Variants in USP54 observed in about 807,000 individuals in gnomAD.
USP54 encodes the protein ubiquitin specific peptidase 54, also known as ubiquitin carboxyl-terminal hydrolase 54.
A neutral mutation model predicts 170.5 loss-of-function variants in USP54; 87 were observed. That is an observed-to-expected ratio of 0.51 (90% confidence interval 0.43 to 0.61). The LOEUF is 0.61. Ranked by LOEUF, USP54 falls within the 20% of genes least tolerant of loss-of-function variation. USP54 has a pLI of 0.00. For missense variants in USP54, 1,786 were observed against 2,047.8 expected (o/e 0.87, Z 2.47); for synonymous variants, 655 against 742.8 (o/e 0.88, Z 1.92).
chr10:73,530,195 G>A lies in USP54; in HGVS notation c.1776C>T (p.Asp592=). The change falls in exon 14 of 24, where the codon GAC becomes GAT. Residue 592 remains aspartate, a synonymous_variant. Coordinates refer to ENST00000687698, the MANE Select transcript of USP54 (RefSeq NM_001391956.1). ...GGGTATAGCCACAGTGCTTCCTTTT[G>A]TCCTTACTAAAGATACTGTCAATAT... ...SLNIDSIFSK[D]KRKHCGYTQL... 1 of 1,613,994 alleles carries A rather than the reference G, an allele frequency of 6.2e-7. No individual in the cohort carries two copies. Among genetic ancestry groups the A allele is most frequent in the South Asian group, 1.1e-5 (1 of 91,066 alleles).
chr10:73,620,749 C>T (rs1017067632), intron 1 of USP54, among the ~76,000 whole-genome samples: 1 of 150,278 alleles, frequency 6.7e-6, no homozygotes, highest in Non-Finnish European at 1.5e-5. Flanking sequence ...ACCAGCCTGC[C>T]CAACATGGTG....
At chr10:73,526,814 T>C in intron 15 of USP54, 34 bp from the exon 16 acceptor site, 2 of 1,609,832 alleles carry the variant, frequency 1.2e-6, no homozygotes, top group Non-Finnish European at 1.7e-6. Flanking sequence ...AGTGAAAGCA[T>C]GAAAGCAGGT....
chr10:73,602,515 T>C (rs1477315722), intron 1 of USP54, among the ~76,000 whole-genome samples: 2 of 149,494 alleles, frequency 1.3e-5, no homozygotes, highest in Non-Finnish European at 3.0e-5. Context: ...ATCATGCTAC[T>C]GCACTCCAGC....
At chr10:73,580,214 G>A (rs531582686) in intron 1 of USP54, among the ~76,000 whole-genome samples, 1 of 151,476 alleles carries the variant, frequency 6.6e-6, no homozygotes, top group African/African-American at 2.4e-5. Flanking sequence ...GCTCCTAGGG[G>A]GCATTGAGGC....
At chr10:73,621,263 T>A (rs569147218) in intron 1 of USP54, among the ~76,000 whole-genome samples, 219 of 149,248 alleles carry the variant, frequency 1.5e-3, no homozygotes, top group Non-Finnish European at 1.6e-3. Context: ...AGCAAATATA[T>A]AAAAACATGT....
chr10:73,548,612 A>G (rs926197257), intron 4 of USP54, among the ~76,000 whole-genome samples: 2 of 152,180 alleles, frequency 1.3e-5, no homozygotes, highest in African/African-American at 4.8e-5. Context: ...CATCATTCTC[A>G]GCAAACTATC....
chr10:73,560,892 C>T lies in USP54; in HGVS notation c.240+10529G>A, dbSNP rs2072775074. 5.3e-5 allele frequency among the ~76,000 whole-genome samples: 8 copies of T among 151,016 alleles called. No homozygotes were observed. In the South Asian group the frequency reaches 1.5e-3, roughly 28 times the overall value. On this transcript the variant is annotated intron_variant, in intron 4 of 23. Coordinates refer to ENST00000687698, the MANE Select transcript of USP54 (RefSeq NM_001391956.1). ...GGCCGAGGTGGGCAGATCACAAGGT[C>T]AGGAGTTCGAGACCAGCCTGGCCAA...
chr10:73,499,008 G>A lies in USP54; in HGVS notation c.4676C>T (p.Thr1559Ile). The A allele has an allele frequency of 1.2e-6, 2 of 1,614,164 alleles. No individual in the cohort carries two copies. Among genetic ancestry groups the A allele is most frequent in the Admixed American group, 1.7e-5 (1 of 60,022 alleles). ...NQHIGTRFLT[T>I]PGCNPQLTYT... Reference sequence around the variant, plus strand: ...GGTTAGTTGAGGATTGCACCCTGGAGTAGTCAGGAATCTGGTCCCAATATG... The same window carrying A: ...GGTTAGTTGAGGATTGCACCCTGGAATAGTCAGGAATCTGGTCCCAATATG... Residue 1559 changes from threonine to isoleucine, a missense_variant, in exon 24 of 24, where the codon ACT becomes ATT. This residue lies in a region of USP54 where 1,418 missense variants were observed against 1,569.0 expected (regional missense o/e 0.90). Coordinates refer to ENST00000687698, the MANE Select transcript of USP54 (RefSeq NM_001391956.1).
chr10:73,592,110 C>G (rs563403253), upstream of USP54, among the ~76,000 whole-genome samples: 1 of 151,986 alleles, frequency 6.6e-6, no homozygotes. Context: ...GTCCCACCCC[C>G]AAACATGTGA....
At chr10:73,541,827 T>A in intron 7 of USP54, 89 bp from the exon 8 acceptor site, 1 of 1,345,802 alleles carries the variant, frequency 7.4e-7, no homozygotes, top group Non-Finnish European at 1.0e-6. Flanking sequence ...CTCACACATT[T>A]GACTTTCTTC....
chr10:73,557,653 T>C (rs1002473968), intron 4 of USP54, among the ~76,000 whole-genome samples: 2 of 151,848 alleles, frequency 1.3e-5, no homozygotes, highest in Non-Finnish European at 2.9e-5. Context: ...ACCCAGCTAA[T>C]TTTTGTATTT....
At position 73,517,362 on chromosome 10, in the gene USP54, G is replaced by A. The variant is rs993417043; in HGVS notation, c.3064C>T (p.Gln1022Ter). Residue 1022 changes from glutamine (Q) to a stop codon, truncating the protein, a stop_gained, in exon 20 of 24, where the codon CAA becomes TAA. Transcript: ENST00000687698. LOFTEE classifies it high-confidence loss of function. The part of the protein sequence containing the change: ...LPPQEGRGIA[Q>*]EQLFQEKKDP... ...TTCTTTTCTTGGAACAGCTGTTCTT[G>A]AGCAATGCCTCTTCCTTCTTGTGGA... is the stretch of plus-strand genomic sequence containing the variant. 3.1e-6 allele frequency: 5 copies of A among 1,613,020 alleles called. No homozygotes were observed. The highest frequency in any genetic ancestry group is 4.2e-6 in the Non-Finnish European group (5 of 1,179,466).
chr10:73,520,275 C>G (rs1274868284), intron 18 of USP54, among the ~76,000 whole-genome samples: 2 of 152,130 alleles, frequency 1.3e-5, no homozygotes, highest in African/African-American at 4.8e-5. Flanking sequence ...TTAGAGATTG[C>G]CACTCTTGTC....
intron 4 of USP54, among the ~76,000 whole-genome samples, chr10:73,569,766 A>AAG (rs1554922108): frequency 1.3e-4 from 19 of 145,306 alleles, no homozygotes; most frequent in South Asian, 4.4e-4. Context: ...AAAAAAAAAG[A>AAG]AAAAAAAAAA....
rs1002772040 is a variant in USP54 at position 73,498,034 on chromosome 10, C to G, written c.*595G>C. The G allele has an allele frequency of 6.6e-6, 1 of 152,242 alleles. No individual in the cohort carries two copies. Among genetic ancestry groups the G allele is most frequent in the African/African-American group, 2.4e-5 (1 of 41,436 alleles). The allele number at this position is 152,242 out of a possible 1,614,324, so 9.4% of individuals were successfully genotyped here. A position where few individuals can be genotyped will look rare whatever the true frequency, so the allele number is the denominator to read the frequency against. ...TAAAATCCTAAGGAATGGCTAGTAT[C>G]CAGAGTAATACCATGGATTCATCTT... On this transcript the variant is annotated 3_prime_UTR_variant, in exon 24 of 24. Coordinates refer to ENST00000687698, the MANE Select transcript of USP54 (RefSeq NM_001391956.1).
chr10:73,620,022 C>A (rs1426636960), intron 1 of USP54, among the ~76,000 whole-genome samples: 6 of 150,468 alleles, frequency 4.0e-5, no homozygotes, highest in Non-Finnish European at 7.4e-5. Flanking sequence ...TTTAAAAGTT[C>A]TCTAGGCTTG....
upstream of USP54, among the ~76,000 whole-genome samples, chr10:73,595,071 G>A (rs1038070532): frequency 6.6e-6 from 1 of 151,936 alleles, no homozygotes; most frequent in Non-Finnish European, 1.5e-5. Flanking sequence ...GATTACAGGT[G>A]CACACCACCA....
In USP54 at chr10:73,507,588, C is replaced by T. The variant is rs530999392; in HGVS notation, c.4052-2162G>A. ...ACTCAGGAGGCTGAGGCAGGAGAAT[C>T]GCTTGAACCCGGGAGGCAGAGGCTG... On this transcript the variant is annotated intron_variant, in intron 20 of 23. Coordinates refer to ENST00000687698, the MANE Select transcript of USP54 (RefSeq NM_001391956.1). 1.1e-3 allele frequency among the ~76,000 whole-genome samples: 156 copies of T among 148,358 alleles called. 1 individual carries two copies. Among genetic ancestry groups the T allele is most frequent in the African/African-American group, 3.6e-3 (143 of 40,028 alleles).
rs1250644522 is a variant in USP54, at chr10:73,517,397, C to A, written c.3029G>T (p.Ser1010Ile). Residue 1010 changes from serine to isoleucine, a missense_variant, in exon 20 of 24, where the codon AGC becomes ATC. Ser to Ile is a moderately radical substitution (Grantham distance 142, BLOSUM62 -2). Transcript: ENST00000687698. ...QGSRCDNSSC[S>I]KLPPQEGRGI... ...TCTTCCTTCTTGTGGAGGGAGCTTG[C>A]TGCAACTGCTGTTGTCACACCTAGA... is the stretch of plus-strand genomic sequence containing the variant. The A allele has an allele frequency of 6.2e-7, 1 of 1,613,772 alleles. No individual in the cohort carries two copies. The highest frequency in any genetic ancestry group is 2.2e-5 in the East Asian group (1 of 44,900).
Sources: gnomAD v4.1 joint callset for allele counts (sites outside exome capture counted in the v4.1 genomes callset) on GRCh38, gnomAD v4.1.1 for gene constraint, gnomAD v4.1.1 regional missense constraint, MANE v1.5 for transcripts, NCBI Gene and HGNC (gene_info 2026-07-23, HGNC 2026-07-21) for gene names.